The following CDC42BPB variants were observed in gnomAD, a reference collection of about 807,000 sequenced individuals.
CDC42BPB encodes serine/threonine-protein kinase MRCK beta.
Under a neutral mutation model 214.9 loss-of-function variants are expected in CDC42BPB, and 37 were observed. That is an observed-to-expected ratio of 0.17 (90% CI 0.13 to 0.23). The LOEUF (loss-of-function observed/expected upper bound fraction) is 0.23, where lower values mean the gene tolerates loss of function less well. Among genes scored for constraint, CDC42BPB ranks in the 10% least tolerant of loss-of-function variants. The probability of loss-of-function intolerance (pLI) is 1.00; values close to 1 mark genes in which losing one functional copy is unlikely to be tolerated. For missense variants in CDC42BPB, 1,694 were observed against 2,227.0 expected (o/e 0.76, Z 4.82); for synonymous variants, 931 against 884.0 (o/e 1.05, Z -0.94).
At chr14:102,958,377 G>A (rs959925868) in intron 21 of CDC42BPB, among the ~76,000 whole-genome samples, 1 of 152,214 alleles carries the variant, frequency 6.6e-6, no homozygotes, top group Non-Finnish European at 1.5e-5. Context: ...AACCCCAGGT[G>A]AGGGACATGT....
In CDC42BPB at chr14:102,971,943, C is replaced by A. The variant is rs752026325; in HGVS notation, c.1860G>T (p.Arg620=). 6.2e-7 allele frequency: 1 copy of A among 1,614,118 alleles called. No homozygotes were observed. Residue 620 remains arginine, a synonymous_variant, in exon 13 of 37, where the codon CGG becomes CGT. Transcript: ENST00000361246. The part of the protein sequence containing the change: ...QKVDAMRQEM[R]RAEKLRKELE... ...CCTCTTTCCTGAGCTTCTCAGCTCT[C>A]CGCATTTCCTGCCGCATGGCGTCCA... is the stretch of plus-strand genomic sequence containing the variant.
intron 1 of CDC42BPB, among the ~76,000 whole-genome samples, chr14:103,017,651 C>T (rs1033278404): frequency 2.6e-5 from 4 of 152,076 alleles, no homozygotes; most frequent in African/African-American, 9.7e-5. Flanking sequence ...ACCAGGCAAA[C>T]CTAAACTGAA....
rs765938161 is a variant in CDC42BPB, at chr14:102,965,936, AAC to A, written c.2577+344_2577+345del. Among the ~76,000 whole-genome samples, 138 of 152,348 alleles carry A rather than the reference AAC, an allele frequency of 9.1e-4. 1 individual carries two copies. The highest frequency in any genetic ancestry group is 5.8e-3 in the Admixed American group (89 of 15,298). On this transcript the variant is annotated intron_variant, in intron 18 of 36. Coordinates refer to ENST00000361246, the MANE Select transcript of CDC42BPB (RefSeq NM_006035.4). ...CACGCCACTGCACTCTAGCCTGGGCAACAGAGTGAGACTGTCGCGGGAGGAAA... is the reference window on the plus strand; with the variant it reads ...CACGCCACTGCACTCTAGCCTGGGCAAGAGTGAGACTGTCGCGGGAGGAAA...
chr14:103,053,679 G>A (rs1459334353), intron 1 of CDC42BPB, among the ~76,000 whole-genome samples: 2 of 146,038 alleles, frequency 1.4e-5, no homozygotes, highest in Non-Finnish European at 3.0e-5. Context: ...GGAGAACAAC[G>A]TGAACCCGGG....
intron 1 of CDC42BPB, among the ~76,000 whole-genome samples, chr14:103,043,334 CA>C (rs1888113465): frequency 6.6e-6 from 1 of 152,202 alleles, no homozygotes; most frequent in Admixed American, 6.5e-5. Flanking sequence ...GCTGTCCACA[CA>C]ACGGAGTACT....
intron 1 of CDC42BPB, among the ~76,000 whole-genome samples, chr14:103,015,599 A>T (rs1886411170): frequency 6.6e-6 from 1 of 152,252 alleles, no homozygotes; most frequent in Non-Finnish European, 1.5e-5. Flanking sequence ...AGAGCAGGGG[A>T]CAGAACATTT....
intron 17 of CDC42BPB, 122 bp downstream of exon 17, chr14:102,966,912 AGCAGTGAGACCT>A: frequency 1.0e-6 from 1 of 1,002,276 alleles, no homozygotes; most frequent in Non-Finnish European, 1.5e-6. Context: ...TCTGGGGAAC[AGCAGTGAGACCT>A]GCACCCCAGC....
At chr14:103,051,267 G>C (rs1400097517) in intron 1 of CDC42BPB, among the ~76,000 whole-genome samples, 5 of 151,978 alleles carry the variant, frequency 3.3e-5, no homozygotes, top group Non-Finnish European at 5.9e-5. Flanking sequence ...GAGGCTTTCT[G>C]TGAGCTTCTC....
At chr14:103,033,346 C>T (rs2139714828) in intron 1 of CDC42BPB, among the ~76,000 whole-genome samples, 1 of 152,284 alleles carries the variant, frequency 6.6e-6, no homozygotes, top group East Asian at 1.9e-4. Context: ...CTCAGCCTCC[C>T]AAGTAGCTGG....
chr14:103,005,544 C>T (rs1267189830), intron 3 of CDC42BPB, among the ~76,000 whole-genome samples: 6 of 151,494 alleles, frequency 4.0e-5, no homozygotes, highest in Admixed American at 1.3e-4. Flanking sequence ...TCCGTCTCTA[C>T]AAAAGAATCT....
intron 1 of CDC42BPB, chr14:103,012,440 G>C (rs1886211299): frequency 5.8e-6 from 1 of 171,556 alleles, no homozygotes; most frequent in Non-Finnish European, 1.2e-5. Context: ...GCCGACGACG[G>C]ACCACATACA....
At chr14:103,049,141 T>C (rs549180744) in intron 1 of CDC42BPB, among the ~76,000 whole-genome samples, 2 of 152,348 alleles carry the variant, frequency 1.3e-5, no homozygotes, top group African/African-American at 2.4e-5. Context: ...AGGCCTCTTC[T>C]ACAGCAGAAG....
intron 1 of CDC42BPB, among the ~76,000 whole-genome samples, chr14:103,053,738 G>A (rs1238258815): frequency 6.6e-6 from 1 of 151,104 alleles, no homozygotes; most frequent in Non-Finnish European, 1.5e-5. Context: ...CTCCAGCCTG[G>A]GCGACAGAGT....
rs963475001 is a variant in CDC42BPB at position 102,984,834 on chromosome 14, G to A, written c.691-1078C>T. On this transcript the variant is annotated intron_variant, in intron 6 of 36. Transcript: ENST00000361246. ...AGCAGCACCCCAGAGCCAGTGGTGT[G>A]AGAACTGCTCAGGCTGAATGGATCA... 5.9e-5 allele frequency among the ~76,000 whole-genome samples: 9 copies of A among 152,222 alleles called. No homozygotes were observed. In the South Asian group the frequency reaches 6.2e-4, roughly 11 times the overall value.
At chr14:102,938,470 G>A (rs564382541) in intron 34 of CDC42BPB, 59 bp from the exon 35 acceptor site, 60 of 1,503,870 alleles carry the variant, frequency 4.0e-5, no homozygotes, top group African/African-American at 1.7e-4. Flanking sequence ...GGCCGGCTGC[G>A]AAGTTTGTGC....
intron 29 of CDC42BPB, 128 bp downstream of exon 29, chr14:102,945,534 C>T (rs1300577741): frequency 7.9e-6 from 6 of 760,842 alleles, no homozygotes; most frequent in South Asian, 4.9e-5. Context: ...CTTCACGGCA[C>T]GCTGGCCCCT....
At chr14:103,025,515 A>G (rs1348665709) in intron 1 of CDC42BPB, among the ~76,000 whole-genome samples, 8 of 151,910 alleles carry the variant, frequency 5.3e-5, no homozygotes. Flanking sequence ...TTAAAAAAAA[A>G]AAAAGAAAAA....
chr14:102,935,068 C>T (rs1891590085), intron 36 of CDC42BPB, among the ~76,000 whole-genome samples: 1 of 151,546 alleles, frequency 6.6e-6, no homozygotes, highest in African/African-American at 2.4e-5. Flanking sequence ...GCAAGGATGC[C>T]TGCTTTCACC....
At chr14:103,019,869 G>A (rs1886671053) in intron 1 of CDC42BPB, among the ~76,000 whole-genome samples, 1 of 152,162 alleles carries the variant, frequency 6.6e-6, no homozygotes. Flanking sequence ...TAAACTGTAA[G>A]GCAAAATGGA....
Sources: gnomAD v4.1 joint callset for allele counts (sites outside exome capture counted in the v4.1 genomes callset) on GRCh38, gnomAD v4.1.1 for gene constraint, MANE v1.5 for transcripts, NCBI Gene and HGNC (gene_info 2026-07-23, HGNC 2026-07-21) for gene names.